SPATA13: variants seen among roughly 807,000 people sequenced by gnomAD.
The protein encoded by SPATA13 is spermatogenesis-associated protein 13.
Under a neutral mutation model 104.0 loss-of-function variants are expected in SPATA13, and 50 were observed. The observed-to-expected ratio is 0.48, with a 90% confidence interval of 0.38 to 0.61. SPATA13 has a LOEUF of 0.61. Ranked by LOEUF, SPATA13 falls within the 20% of genes least tolerant of loss-of-function variation. The probability of loss-of-function intolerance (pLI) is 0.00; values close to 1 mark genes in which losing one functional copy is unlikely to be tolerated. For missense variants in SPATA13, 1,524 were observed against 1,690.6 expected (o/e 0.90, Z 1.73); for synonymous variants, 606 against 667.5 (o/e 0.91, Z 1.42).
In SPATA13 at chr13:24,283,539, C is replaced by A. The variant is rs551583338; in HGVS notation, c.2165-596C>A. Among the ~76,000 whole-genome samples, 27 of 152,320 alleles carry A rather than the reference C, an allele frequency of 1.8e-4. No homozygotes were observed. In the East Asian group the frequency reaches 4.6e-3, roughly 26 times the overall value. ...AAAGAAAATCTGACTAGCAGGGTGGCCAATCTAAAAAGCTGCACCATCCTT... is the reference window on the plus strand; with the variant it reads ...AAAGAAAATCTGACTAGCAGGGTGGACAATCTAAAAAGCTGCACCATCCTT... On this transcript the variant is annotated intron_variant, in intron 4 of 12. Transcript: ENST00000382108.
chr13:24,146,933 T>C (rs1881952889), intron 3 of SPATA13, among the ~76,000 whole-genome samples: 1 of 146,784 alleles, frequency 6.8e-6, no homozygotes, highest in African/African-American at 2.6e-5. Flanking sequence ...TCAGGCATGA[T>C]TTTTTTTTCC....
intron 3 of SPATA13, among the ~76,000 whole-genome samples, chr13:24,125,139 T>C (rs1881167925): frequency 1.3e-5 from 2 of 152,210 alleles, no homozygotes; most frequent in African/African-American, 2.4e-5. Flanking sequence ...GTGAGGCTCT[T>C]AGTTTCTGCT....
rs1877431657 is a variant in SPATA13 at position 24,304,377 on chromosome 13, C to T, written c.*1604C>T. On this transcript the variant is annotated 3_prime_UTR_variant, in exon 13 of 13. Coordinates refer to ENST00000382108, the MANE Select transcript of SPATA13 (RefSeq NM_001166271.3). ...AAGAGAGGTGCCCTTTCAACCCGCT[C>T]AGTGCCCTGGACAGGAGATGCTGTG... is the stretch of plus-strand genomic sequence containing the variant. 6.6e-6 allele frequency: 1 copy of T among 152,126 alleles called. No homozygotes were observed. The highest frequency in any genetic ancestry group is 2.4e-5 in the African/African-American group (1 of 41,424). The allele number at this position is 152,126 out of a possible 1,614,324, so 9.4% of individuals were successfully genotyped here.
chr13:24,251,532 A>G, intron 3 of SPATA13, 186 bp from the exon 4 acceptor site: 1 of 985,400 alleles, frequency 1.0e-6, no homozygotes, highest in Non-Finnish European at 1.2e-6. Context: ...GCTGATCAGG[A>G]TTGTTAAAAA....
At chr13:24,104,022 C>G (rs922537711) in intron 3 of SPATA13, among the ~76,000 whole-genome samples, 1 of 152,144 alleles carries the variant, frequency 6.6e-6, no homozygotes, top group Non-Finnish European at 1.5e-5. Context: ...TTTCCTGCAG[C>G]CTTTCTCATT....
intron 3 of SPATA13, chr13:24,122,044 A>G (rs918617828): frequency 1.3e-6 from 2 of 1,518,716 alleles, no homozygotes; most frequent in African/African-American, 1.4e-5. Context: ...ACAATCACAC[A>G]GCAGGAAAGA....
chr13:24,096,755 C>G (rs1245957873), intron 3 of SPATA13, among the ~76,000 whole-genome samples: 1 of 152,180 alleles, frequency 6.6e-6, no homozygotes, highest in East Asian at 1.9e-4. Context: ...AGAGGCTGCC[C>G]CAGGGCAGAG....
At chr13:24,242,336 G>A (rs1872887306) in intron 2 of SPATA13, among the ~76,000 whole-genome samples, 1 of 152,200 alleles carries the variant, frequency 6.6e-6, no homozygotes, top group Non-Finnish European at 1.5e-5. Flanking sequence ...ATAGCCCAGA[G>A]AAATACATAG....
intron 12 of SPATA13, among the ~76,000 whole-genome samples, chr13:24,301,971 C>A (rs1207708327): frequency 6.6e-6 from 1 of 152,154 alleles, no homozygotes; most frequent in Non-Finnish European, 1.5e-5. Flanking sequence ...GTAGAGAAAT[C>A]ATATCATTTC....
At chr13:24,148,888 T>G (rs1882014045) in intron 3 of SPATA13, among the ~76,000 whole-genome samples, 1 of 151,608 alleles carries the variant, frequency 6.6e-6, no homozygotes, top group African/African-American at 2.4e-5. Flanking sequence ...GTAGAGCGGC[T>G]TGTTTATTAT....
At chr13:24,231,116 C>G (rs182128923) in intron 2 of SPATA13, among the ~76,000 whole-genome samples, 71 of 152,238 alleles carry the variant, frequency 4.7e-4, no homozygotes, top group African/African-American at 1.7e-3. Context: ...AAGACTAGGC[C>G]ACAGCTGATG....
intron 4 of SPATA13, among the ~76,000 whole-genome samples, chr13:24,275,159 A>G (rs1469881798): frequency 6.6e-6 from 1 of 152,136 alleles, no homozygotes; most frequent in African/African-American, 2.4e-5. Context: ...CCTAAAGCTA[A>G]AAGTGGCCAG....
upstream of SPATA13, chr13:24,160,672 G>C: frequency 1.0e-6 from 1 of 969,304 alleles, no homozygotes; most frequent in African/African-American, 1.8e-5. Context: ...GAAGAGCCGG[G>C]CTGGGGGCGT....
intron 1 of SPATA13, among the ~76,000 whole-genome samples, chr13:24,193,746 A>G (rs1566143747): frequency 6.6e-6 from 1 of 152,164 alleles, no homozygotes; most frequent in East Asian, 1.9e-4. Flanking sequence ...CTTCTTCTGG[A>G]GGAAGAAGTA....
chr13:24,237,989 A>AT (rs1872653634), intron 2 of SPATA13, among the ~76,000 whole-genome samples: 4 of 142,750 alleles, frequency 2.8e-5, no homozygotes, highest in Non-Finnish European at 4.6e-5. Context: ...ATAAACATGT[A>AT]TAATATATAT....
At chr13:24,157,739 T>G (rs145007806), upstream of SPATA13, among the ~76,000 whole-genome samples, 1 of 152,162 alleles carries the variant, frequency 6.6e-6, no homozygotes, top group South Asian at 2.1e-4. Flanking sequence ...CCCTGCTGAA[T>G]GGAACTTTCA....
chr13:24,173,833 T>C (rs1456178892), intron 1 of SPATA13, among the ~76,000 whole-genome samples: 1 of 152,186 alleles, frequency 6.6e-6, no homozygotes, highest in Non-Finnish European at 1.5e-5. Flanking sequence ...GCCCATTTGG[T>C]CGTATGAATA....
intron 1 of SPATA13, among the ~76,000 whole-genome samples, chr13:24,210,626 A>G (rs986849988): frequency 2.6e-5 from 4 of 151,612 alleles, no homozygotes; most frequent in African/African-American, 9.7e-5. Flanking sequence ...CTGTTTTTAT[A>G]CCAGTAATAT....
At position 24,286,474 on chromosome 13, in the gene SPATA13, C is replaced by T; in HGVS notation, c.2481+81C>T. Reference sequence around the variant, plus strand: ...TTTCAGGTCAGAACTCGCCTTTTATCAGGTCAGCTCTTTTGTAATTGATAT... The same window carrying T: ...TTTCAGGTCAGAACTCGCCTTTTATTAGGTCAGCTCTTTTGTAATTGATAT... On this transcript the variant is annotated intron_variant, in intron 6 of 12. Transcript: ENST00000382108. The surrounding 1 kb of genome is among the most constrained non-coding windows in gnomAD (Gnocchi z 4.9). The T allele has an allele frequency of 7.2e-7, 1 of 1,392,620 alleles. No homozygotes were observed. The highest frequency in any genetic ancestry group is 9.7e-7 in the Non-Finnish European group (1 of 1,030,106). The allele number at this position is 1,392,620 out of a possible 1,614,324, so 86.3% of individuals were successfully genotyped here.
Sources: allele counts gnomAD v4.1 joint callset (sites outside exome capture counted in the v4.1 genomes callset), GRCh38; gene constraint gnomAD v4.1.1; non-coding constraint Gnocchi (gnomAD v3.1); transcripts MANE v1.5; gene names NCBI Gene and HGNC (gene_info 2026-07-23, HGNC 2026-07-21).